Variants in TMEM178A observed in about 807,000 individuals in gnomAD.
TMEM178A encodes transmembrane protein 178.
Under a neutral mutation model 29.1 loss-of-function variants are expected in TMEM178A, and 12 were observed. The observed-to-expected ratio is 0.41, with a 90% CI of 0.26 to 0.67. The LOEUF is 0.67. Ranked by LOEUF, TMEM178A falls within the 30% of genes least tolerant of loss-of-function variation. TMEM178A has a pLI of 0.29. For missense variants in TMEM178A, 366 were observed against 419.1 expected (o/e 0.87, Z 1.11); for synonymous variants, 210 against 187.2 (o/e 1.12, Z -0.99).
intron 3 of TMEM178A, among the ~76,000 whole-genome samples, chr2:39,715,319 A>AT (rs1672488899): frequency 6.6e-6 from 1 of 152,156 alleles, no homozygotes; most frequent in Admixed American, 6.5e-5. Flanking sequence ...TCCAAAGATT[A>AT]TTTTTTCTAA....
the TMEM178A span, among the ~76,000 whole-genome samples, chr2:39,729,671 C>G: frequency 6.6e-6 from 1 of 152,178 alleles, no homozygotes; most frequent in Non-Finnish European, 1.5e-5. Flanking sequence ...TGGGTGGCTT[C>G]CATTCCTCCT....
intron 1 of TMEM178A, among the ~76,000 whole-genome samples, chr2:39,691,091 G>A (rs1302006439): frequency 2.6e-5 from 4 of 152,110 alleles, no homozygotes; most frequent in Non-Finnish European, 5.9e-5. Flanking sequence ...TGACATATGG[G>A]ATAGTATCAG....
chr2:39,713,770 G>A (rs1481083511), intron 3 of TMEM178A, among the ~76,000 whole-genome samples: 2 of 152,224 alleles, frequency 1.3e-5, no homozygotes, highest in African/African-American at 4.8e-5. Context: ...TATAAGACAT[G>A]TATGTGGAAC....
At chr2:39,715,998 G>C (rs2540230) in intron 3 of TMEM178A, among the ~76,000 whole-genome samples, 3 of 152,136 alleles carry the variant, frequency 2.0e-5, no homozygotes, top group Non-Finnish European at 4.4e-5. Flanking sequence ...GAGATGCTAC[G>C]TGTATCCCTA....
At position 39,684,063 on chromosome 2, in the gene TMEM178A, AT is replaced by A. The variant is rs529853246; in HGVS notation, c.400+17690del. Among the ~76,000 whole-genome samples, 77 of 152,330 alleles carry A rather than the reference AT, an allele frequency of 5.1e-4. No homozygotes were observed. In the East Asian group the frequency reaches 5.4e-3, roughly 11 times the overall value. On this transcript the variant is annotated intron_variant, in intron 1 of 3. Coordinates refer to ENST00000281961, the MANE Select transcript of TMEM178A (RefSeq NM_152390.3). Reference sequence around the variant, plus strand: ...ATTGAACCAGCTGAAGAGTGCATGCATCTACCTAGTTCTGATCTGCTTCTGC... The same window carrying A: ...ATTGAACCAGCTGAAGAGTGCATGCACTACCTAGTTCTGATCTGCTTCTGC...
chr2:39,691,570 A>G (rs1441078112), intron 1 of TMEM178A, among the ~76,000 whole-genome samples: 2 of 152,202 alleles, frequency 1.3e-5, no homozygotes, highest in Non-Finnish European at 2.9e-5. Context: ...TATAGAAAAC[A>G]ATATGGAGGT....
At chr2:39,718,824 C>T (rs1481179851), downstream of TMEM178A, among the ~76,000 whole-genome samples, 1 of 152,066 alleles carries the variant, frequency 6.6e-6, no homozygotes, top group African/African-American at 2.4e-5. Context: ...ACCCTTGTTC[C>T]CGATTCTACA....
chr2:39,711,900 A>T (rs1227890703), intron 3 of TMEM178A, among the ~76,000 whole-genome samples: 1 of 152,182 alleles, frequency 6.6e-6, no homozygotes, highest in African/African-American at 2.4e-5. Context: ...TCCTGTAGCT[A>T]AACATACGAA....
chr2:39,668,524 C>T (rs1038993628), intron 1 of TMEM178A, among the ~76,000 whole-genome samples: 2 of 152,080 alleles, frequency 1.3e-5, no homozygotes, highest in Non-Finnish European at 2.9e-5. Flanking sequence ...GTTTCCTTGT[C>T]TGTGGTATTA....
intron 1 of TMEM178A, among the ~76,000 whole-genome samples, chr2:39,680,411 C>G (rs886168693): frequency 6.6e-6 from 1 of 152,154 alleles, no homozygotes; most frequent in African/African-American, 2.4e-5. Flanking sequence ...ATGTGACATG[C>G]TTTCTTATTG....
At chr2:39,726,736 A>C in the TMEM178A span, among the ~76,000 whole-genome samples, 1 of 152,278 alleles carries the variant, frequency 6.6e-6, no homozygotes, top group East Asian at 1.9e-4. Flanking sequence ...TAGGATACCA[A>C]GGGCAAGAGT....
At chr2:39,698,776 C>A (rs1019945368) in intron 1 of TMEM178A, among the ~76,000 whole-genome samples, 3 of 151,684 alleles carry the variant, frequency 2.0e-5, no homozygotes, top group Non-Finnish European at 4.4e-5. Context: ...ACCAGTGAAG[C>A]CATCTGGTCA....
At chr2:39,679,451 CT>C (rs1012313797) in intron 1 of TMEM178A, among the ~76,000 whole-genome samples, 1 of 151,542 alleles carries the variant, frequency 6.6e-6, no homozygotes. Context: ...TTATTATACA[CT>C]TTTTTTTGAA....
Position 39,697,596 on chromosome 2 carries a change from G to A in TMEM178A, c.401-6485G>A, listed in dbSNP as rs567728467. On this transcript the variant is annotated intron_variant, in intron 1 of 3. Transcript: ENST00000281961. ...CCTTGAGTACTGCTTGTTACTGTCAGCCCACACCTCATCATTTTCCCTACC... is the reference window on the plus strand; with the variant it reads ...CCTTGAGTACTGCTTGTTACTGTCAACCCACACCTCATCATTTTCCCTACC... Among the ~76,000 whole-genome samples, 4 of 152,242 alleles carry A rather than the reference G, an allele frequency of 2.6e-5. No homozygotes were observed. In the East Asian group the frequency reaches 7.7e-4, roughly 29 times the overall value.
At chr2:39,669,039 G>A (rs527719978) in intron 1 of TMEM178A, among the ~76,000 whole-genome samples, 1 of 152,296 alleles carries the variant, frequency 6.6e-6, no homozygotes, top group Admixed American at 6.5e-5. Context: ...AGCAACTAGA[G>A]TCCCAAGTTC....
At position 39,666,115 on chromosome 2, in the gene TMEM178A, C is replaced by T; in HGVS notation, c.141C>T (p.Arg47=). ...ACAAGGAGAGCTGCGAGCGCAGCCGCGCGGGCGCCGACCCCCCGGACCAGA... is the reference window on the plus strand; with the variant it reads ...ACAAGGAGAGCTGCGAGCGCAGCCGTGCGGGCGCCGACCCCCCGGACCAGA... ...RRHKESCERS[R]AGADPPDQKN... The change falls in exon 1 of 4, where the codon CGC becomes CGT. Residue 47 remains arginine, a synonymous_variant. Coordinates refer to ENST00000281961, the MANE Select transcript of TMEM178A (RefSeq NM_152390.3). 2 of 1,554,006 alleles carry T rather than the reference C, an allele frequency of 1.3e-6. No homozygotes were observed. Among genetic ancestry groups the T allele is most frequent in the Non-Finnish European group, 1.7e-6 (2 of 1,155,412 alleles).
intron 1 of TMEM178A, among the ~76,000 whole-genome samples, chr2:39,688,588 C>G (rs563386721): frequency 4.3e-4 from 66 of 152,358 alleles, no homozygotes; most frequent in Non-Finnish European, 8.5e-4. Flanking sequence ...CCTTCTTTGA[C>G]TCTGGTACTA....
the TMEM178A span, among the ~76,000 whole-genome samples, chr2:39,726,371 T>C: frequency 6.6e-6 from 1 of 152,044 alleles, no homozygotes; most frequent in African/African-American, 2.4e-5. Flanking sequence ...AGGCCTGGGA[T>C]GGGAACAAGC....
At chr2:39,676,224 C>G (rs773377910) in intron 1 of TMEM178A, among the ~76,000 whole-genome samples, 5 of 152,106 alleles carry the variant, frequency 3.3e-5, no homozygotes, top group Non-Finnish European at 5.9e-5. Flanking sequence ...ATAGAATACC[C>G]AAATAAAAAT....
Sources: allele counts gnomAD v4.1 joint callset (sites outside exome capture counted in the v4.1 genomes callset), GRCh38; gene constraint gnomAD v4.1.1; transcripts MANE v1.5; gene names NCBI Gene and HGNC (gene_info 2026-07-23, HGNC 2026-07-21).